The following ITGAE variants were observed in gnomAD, a reference collection of about 807,000 sequenced individuals.
ITGAE encodes the protein integrin subunit alpha E.
ITGAE carries 99 observed loss-of-function variants against 136.5 expected under a neutral mutation model. The ratio of observed to expected loss-of-function variants is 0.73; its 90% CI spans 0.62 to 0.86. The LOEUF is 0.86. Ranked by LOEUF, ITGAE falls within the 40% of genes least tolerant of loss-of-function variation. The pLI is 0.00. For missense variants in ITGAE, 1,447 were observed against 1,515.3 expected (o/e 0.95, Z 0.75); for synonymous variants, 613 against 591.8 (o/e 1.04, Z -0.52).
At chr17:3,745,178 C>T (rs1189725651) in intron 18 of ITGAE, among the ~76,000 whole-genome samples, 1 of 151,820 alleles carries the variant, frequency 6.6e-6, no homozygotes, top group East Asian at 1.9e-4. Flanking sequence ...TTTAGTTGTT[C>T]ACTTTTTTGA....
chr17:3,731,356 T>C (rs1417734542), intron 22 of ITGAE, among the ~76,000 whole-genome samples, 173 bp from the exon 23 acceptor site: 17 of 98,440 alleles, frequency 1.7e-4, no homozygotes, highest in Non-Finnish European at 3.6e-4. Context: ...TTTTTTTTTT[T>C]TTTGAGAGGG....
intron 19 of ITGAE, among the ~76,000 whole-genome samples, chr17:3,740,712 C>A (rs1597319892): frequency 6.6e-6 from 1 of 152,208 alleles, no homozygotes; most frequent in East Asian, 1.9e-4. Flanking sequence ...ATTTCCCTTG[C>A]CTACACATAA....
At chr17:3,793,836 G>C (rs530890569) in intron 1 of ITGAE, among the ~76,000 whole-genome samples, 5 of 152,152 alleles carry the variant, frequency 3.3e-5, no homozygotes, top group African/African-American at 1.2e-4. Context: ...GTGAGCCACT[G>C]CACCTGGCCC....
intron 28 of ITGAE, among the ~76,000 whole-genome samples, chr17:3,721,076 AC>A (rs1206928919): frequency 6.7e-6 from 1 of 149,370 alleles, no homozygotes; most frequent in Non-Finnish European, 1.5e-5. Context: ...CCACAGGTGC[AC>A]CCCACCACAC....
At chr17:3,769,654 G>A (rs1430203020) in intron 2 of ITGAE, among the ~76,000 whole-genome samples, 2 of 152,170 alleles carry the variant, frequency 1.3e-5, no homozygotes, top group Non-Finnish European at 2.9e-5. Context: ...TCCATCTCCT[G>A]CCTTTATTTA....
intron 28 of ITGAE, among the ~76,000 whole-genome samples, chr17:3,722,162 C>G (rs151031286): frequency 7.1e-6 from 1 of 141,768 alleles, no homozygotes; most frequent in Non-Finnish European, 1.5e-5. Context: ...AGCGAAACTC[C>G]GTCTTGAAAG....
chr17:3,750,297 A>C, intron 16 of ITGAE, 55 bp downstream of exon 16: 1 of 1,602,612 alleles, frequency 6.2e-7, no homozygotes. Context: ...TATTTAGAGC[A>C]GGGCAAATGG....
intron 10 of ITGAE, among the ~76,000 whole-genome samples, chr17:3,756,368 G>A (rs918884258): frequency 2.0e-5 from 3 of 151,100 alleles, no homozygotes; most frequent in Admixed American, 6.6e-5. Context: ...AAGTAGCTGG[G>A]AATAGAGGTC....
At chr17:3,771,303 C>A (rs1215960004) in intron 2 of ITGAE, among the ~76,000 whole-genome samples, 1 of 152,150 alleles carries the variant, frequency 6.6e-6, no homozygotes, top group African/African-American at 2.4e-5. Context: ...TAGCGGGGCA[C>A]ACACCGTATG....
intron 30 of ITGAE, 84 bp downstream of exon 30, chr17:3,716,596 GCTCTAAGT>G (rs1409559842): frequency 1.3e-6 from 1 of 761,242 alleles, no homozygotes; most frequent in East Asian, 2.5e-5. Flanking sequence ...CAGGGCAGCT[GCTCTAAGT>G]CAGAGGTTGG....
chr17:3,723,800 G>A, intron 26 of ITGAE, 56 bp from the exon 27 acceptor site: 12 of 1,592,198 alleles, frequency 7.5e-6, no homozygotes, highest in Non-Finnish European at 1.0e-5. Context: ...CCAGTTTTCC[G>A]TCCCGTCCCG....
In ITGAE at chr17:3,763,945, G is replaced by A; in HGVS notation, c.171C>T (p.Ser57=). The A allele has an allele frequency of 6.2e-7, 1 of 1,612,952 alleles. No individual in the cohort carries two copies. The highest frequency in any genetic ancestry group is 8.5e-7 in the Non-Finnish European group (1 of 1,179,296). ...GCCCTGGTGTCCTCTTGGTTCTGGG[G>A]CTGGTGACCAGGAGCCTGAGTGGGA... ...STNQTWLLVT[S]PRTKRTPGPL... Residue 57 remains serine, a synonymous_variant, in exon 3 of 31, where the codon AGC becomes AGT. Transcript: ENST00000263087.
intron 26 of ITGAE, chr17:3,725,330 G>A: frequency 6.2e-7 from 1 of 1,614,170 alleles, no homozygotes; most frequent in Non-Finnish European, 8.5e-7. Flanking sequence ...AGGTTTATGG[G>A]GAATGCAGTC....
chr17:3,758,269 G>A (rs1174794928), intron 8 of ITGAE, among the ~76,000 whole-genome samples: 7 of 151,930 alleles, frequency 4.6e-5, no homozygotes, highest in Non-Finnish European at 7.4e-5. Flanking sequence ...TTTTAGAGAC[G>A]GCGTCTCACT....
At chr17:3,796,010 C>T (rs2053074872) in intron 1 of ITGAE, among the ~76,000 whole-genome samples, 1 of 78,124 alleles carries the variant, frequency 1.3e-5, no homozygotes, top group African/African-American at 5.4e-5. Context: ...TCCGTGTGTG[C>T]ATCCATGTGC....
At chr17:3,734,365 T>G (rs1204561914) in intron 21 of ITGAE, among the ~76,000 whole-genome samples, 2 of 152,198 alleles carry the variant, frequency 1.3e-5, no homozygotes, top group Non-Finnish European at 2.9e-5. Context: ...GAGCCACCGT[T>G]CCCGGCCCAA....
intron 8 of ITGAE, 119 bp downstream of exon 8, chr17:3,759,283 G>A: frequency 1.7e-6 from 2 of 1,187,400 alleles, no homozygotes; most frequent in Non-Finnish European, 2.4e-6. Flanking sequence ...CTCTCGGCCA[G>A]GGAAAGGCTG....
At chr17:3,724,523 T>A in intron 26 of ITGAE, 1 of 1,614,032 alleles carries the variant, frequency 6.2e-7, no homozygotes, top group Non-Finnish European at 8.5e-7. Flanking sequence ...CCTGTCTGGT[T>A]GCAGCCTCAG....
At chr17:3,737,064 A>C (rs1023247468) in intron 20 of ITGAE, among the ~76,000 whole-genome samples, 1 of 152,068 alleles carries the variant, frequency 6.6e-6, no homozygotes, top group African/African-American at 2.4e-5. Context: ...GAGGTGAGGC[A>C]GGTGGATCAC....
Sources: gnomAD v4.1 joint callset for allele counts (sites outside exome capture counted in the v4.1 genomes callset) on GRCh38, gnomAD v4.1.1 for gene constraint, MANE v1.5 for transcripts, NCBI Gene and HGNC (gene_info 2026-07-23, HGNC 2026-07-21) for gene names.